GRIN2A: variants seen among roughly 807,000 people sequenced by gnomAD.
GRIN2A encodes the protein glutamate receptor ionotropic, NMDA 2A.
GRIN2A carries 22 observed loss-of-function variants against 113.4 expected under a neutral mutation model. The observed-to-expected ratio is 0.19, with a 90% CI of 0.14 to 0.28. The LOEUF (loss-of-function observed/expected upper bound fraction) is 0.28. Ranked by LOEUF, GRIN2A falls within the 10% of genes least tolerant of loss-of-function variation. The pLI is 1.00. For missense variants in GRIN2A, 1,502 were observed against 1,887.0 expected (o/e 0.80, Z 3.78); for synonymous variants, 827 against 738.4 (o/e 1.12, Z -1.94).
chr16:9,911,153 C>T (rs920146544), intron 3 of GRIN2A, among the ~76,000 whole-genome samples: 6 of 152,068 alleles, frequency 3.9e-5, no homozygotes, highest in Admixed American at 3.9e-4. Flanking sequence ...GGAGTGACAG[C>T]AAAGAGTTAG....
At chr16:10,112,656 C>G in intron 2 of GRIN2A, 1 of 764,620 alleles carries the variant, frequency 1.3e-6, no homozygotes, top group Non-Finnish European at 2.4e-6. Flanking sequence ...CAGCAGCAGC[C>G]AGAAACGATA....
intron 2 of GRIN2A, among the ~76,000 whole-genome samples, chr16:10,060,234 A>G (rs561687654): frequency 6.6e-6 from 1 of 152,222 alleles, no homozygotes; most frequent in Non-Finnish European, 1.5e-5. Context: ...ACCCGGGAAC[A>G]AAGTCCTCAC....
intron 2 of GRIN2A, among the ~76,000 whole-genome samples, chr16:10,133,558 T>A (rs2049116867): frequency 1.3e-5 from 2 of 152,098 alleles, no homozygotes; most frequent in African/African-American, 4.8e-5. Flanking sequence ...AGTGAGCCAA[T>A]ATCATGCCAC....
In GRIN2A at chr16:9,760,019, G is replaced by T. The variant is rs1179454563; in HGVS notation, c.*3130C>A. 8.7e-6 allele frequency: 2 copies of T among 230,552 alleles called. No individual in the cohort carries two copies. The highest frequency in any genetic ancestry group is 1.2e-4 in the East Asian group (2 of 16,266). 14.3% of individuals were successfully genotyped at this position (230,552 alleles called of 1,614,324 possible). Reference sequence around the variant, plus strand: ...AGTGTACCTATCTGAGGACTAGTTGGGTCCTTCTCAAGTGGGGAAAACCAA... The same window carrying T: ...AGTGTACCTATCTGAGGACTAGTTGTGTCCTTCTCAAGTGGGGAAAACCAA... On this transcript the variant is annotated 3_prime_UTR_variant, in exon 13 of 13. Transcript: ENST00000330684.
chr16:10,063,590 CA>C (rs1227989197), intron 2 of GRIN2A, among the ~76,000 whole-genome samples: 1 of 152,204 alleles, frequency 6.6e-6, no homozygotes, highest in East Asian at 1.9e-4. Flanking sequence ...CATAAACCAC[CA>C]AACTGAATCC....
intron 2 of GRIN2A, among the ~76,000 whole-genome samples, chr16:10,118,347 C>A (rs1040105906): frequency 6.6e-6 from 1 of 151,266 alleles, no homozygotes; most frequent in African/African-American, 2.4e-5. Flanking sequence ...ACTATGGTCA[C>A]CCCCACCCCA....
intron 2 of GRIN2A, among the ~76,000 whole-genome samples, chr16:10,106,738 C>G (rs941073044): frequency 5.9e-5 from 9 of 151,850 alleles, no homozygotes; most frequent in Non-Finnish European, 1.3e-4. Context: ...TCCTTCACTT[C>G]TAGAGAAAAA....
intron 10 of GRIN2A, among the ~76,000 whole-genome samples, chr16:9,809,549 T>C (rs2042046034): frequency 6.6e-6 from 1 of 150,542 alleles, no homozygotes; most frequent in African/African-American, 2.5e-5. Context: ...ATCTGTATTT[T>C]CATTTTTTTT....
chr16:10,061,772 A>G (rs2047554506), intron 2 of GRIN2A, among the ~76,000 whole-genome samples: 1 of 152,220 alleles, frequency 6.6e-6, no homozygotes, highest in South Asian at 2.1e-4. Context: ...GAATTAAAGA[A>G]TGCCAGCTCC....
chr16:10,111,548 C>T, intron 2 of GRIN2A: 1 of 789,246 alleles, frequency 1.3e-6, no homozygotes, highest in East Asian at 2.4e-5. Context: ...TCAGCCCTGA[C>T]CCGGAAGATC....
intron 2 of GRIN2A, among the ~76,000 whole-genome samples, chr16:10,157,715 A>G (rs1204328194): frequency 1.3e-5 from 2 of 152,184 alleles, no homozygotes; most frequent in African/African-American, 4.8e-5. Flanking sequence ...CCCACGATCA[A>G]TCACTTCCCT....
chr16:10,156,659 G>T (rs1338930740), intron 2 of GRIN2A, among the ~76,000 whole-genome samples: 1 of 152,204 alleles, frequency 6.6e-6, no homozygotes, highest in Admixed American at 6.5e-5. Flanking sequence ...GAAGGCGATT[G>T]CTTCAAGCCT....
chr16:10,037,811 G>A (rs1224705432), intron 2 of GRIN2A, among the ~76,000 whole-genome samples: 1 of 152,006 alleles, frequency 6.6e-6, no homozygotes, highest in Non-Finnish European at 1.5e-5. Flanking sequence ...CAGTGACAGG[G>A]TCTTGCTATG....
At chr16:10,107,702 G>A (rs1218779250) in intron 2 of GRIN2A, among the ~76,000 whole-genome samples, 1 of 152,262 alleles carries the variant, frequency 6.6e-6, no homozygotes, top group Non-Finnish European at 1.5e-5. Context: ...GAAAGGGAAA[G>A]GAGCAGCTCA....
chr16:10,091,483 CACACACACAA>C (rs1356603859), intron 2 of GRIN2A, among the ~76,000 whole-genome samples: 1 of 149,374 alleles, frequency 6.7e-6, no homozygotes, highest in African/African-American at 2.6e-5. Context: ...CACACACACA[CACACACACAA>C]ACACACAAAA....
chr16:10,176,236 C>T (rs1330540789), intron 2 of GRIN2A, among the ~76,000 whole-genome samples: 7 of 152,052 alleles, frequency 4.6e-5, no homozygotes, highest in Non-Finnish European at 8.8e-5. Context: ...AACTCCTGAC[C>T]TCAGGTGATC....
At chr16:10,006,126 T>G (rs1263419126) in intron 2 of GRIN2A, among the ~76,000 whole-genome samples, 1 of 152,220 alleles carries the variant, frequency 6.6e-6, no homozygotes, top group African/African-American at 2.4e-5. Context: ...GTGGTCAATC[T>G]AAGCACAATT....
intron 2 of GRIN2A, among the ~76,000 whole-genome samples, chr16:9,958,020 T>C (rs1444379088): frequency 6.6e-6 from 1 of 152,204 alleles, no homozygotes; most frequent in Non-Finnish European, 1.5e-5. Context: ...GAAAGAGAGA[T>C]AGTGATAAAC....
chr16:10,078,977 C>T (rs986400976), intron 2 of GRIN2A, among the ~76,000 whole-genome samples: 2 of 152,194 alleles, frequency 1.3e-5, no homozygotes, highest in African/African-American at 4.8e-5. Context: ...ACAGTGACAA[C>T]AATAACAATA....
Sources: gnomAD v4.1 joint callset for allele counts (sites outside exome capture counted in the v4.1 genomes callset) on GRCh38, gnomAD v4.1.1 for gene constraint, MANE v1.5 for transcripts, NCBI Gene and HGNC (gene_info 2026-07-23, HGNC 2026-07-21) for gene names.